Variants in TDRD9 observed in about 807,000 individuals in gnomAD.
TDRD9 encodes ATP-dependent RNA helicase TDRD9.
Under a neutral mutation model 172.6 loss-of-function variants are expected in TDRD9, and 124 were observed. That is an observed-to-expected ratio of 0.72 (90% CI 0.62 to 0.83). The LOEUF is 0.83. Among genes scored for constraint, TDRD9 ranks in the 40% least tolerant of loss-of-function variants. The pLI is 0.00. For synonymous variants in TDRD9, 619 were observed against 617.1 expected (o/e 1.00, Z -0.05); for missense variants, 1,479 against 1,714.1 (o/e 0.86, Z 2.42).
intron 22 of TDRD9, among the ~76,000 whole-genome samples, chr14:104,017,589 A>G (rs1298812708): frequency 6.6e-6 from 1 of 152,222 alleles, no homozygotes; most frequent in African/African-American, 2.4e-5. Flanking sequence ...TCCAGAAGAA[A>G]GTATGGAGTG....
At chr14:103,941,932 T>C (rs1317029289) in intron 1 of TDRD9, among the ~76,000 whole-genome samples, 3 of 152,212 alleles carry the variant, frequency 2.0e-5, no homozygotes, top group Non-Finnish European at 4.4e-5. Flanking sequence ...AAATTAGATA[T>C]ACAAAGTCAG....
chr14:104,049,644 T>C lies in TDRD9; in HGVS notation c.4011T>C (p.Val1337=), dbSNP rs1218811949. 4.4e-6 allele frequency: 7 copies of C among 1,589,392 alleles called. No individual in the cohort carries two copies. Among genetic ancestry groups the C allele is most frequent in the Non-Finnish European group, 6.0e-6 (7 of 1,167,924 alleles). The change falls in exon 35 of 36, where the codon GTT becomes GTC. Residue 1337 remains valine (V), a synonymous_variant. Transcript: ENST00000409874. Reference sequence around the variant, plus strand: ...AGTCAAAACCAAGGGAGAAGATTGTTCCCAAGTGGCATGAAAAGCCCTACG... The same window carrying C: ...AGTCAAAACCAAGGGAGAAGATTGTCCCCAAGTGGCATGAAAAGCCCTACG... ...FCQSKPREKI[V]PKWHEKPYEW...
intron 20 of TDRD9, among the ~76,000 whole-genome samples, chr14:104,013,397 A>G (rs147485455): frequency 2.5e-4 from 38 of 152,340 alleles, no homozygotes; most frequent in African/African-American, 7.5e-4. Flanking sequence ...CAAAAGCCGT[A>G]CATGTTCATG....
intron 23 of TDRD9, 79 bp from the exon 24 acceptor site, chr14:104,022,078 C>T: frequency 8.8e-7 from 1 of 1,137,818 alleles, no homozygotes; most frequent in Non-Finnish European, 1.3e-6. Context: ...GACAGAATTT[C>T]TGTCTTGAGA....
At chr14:103,952,341 C>T (rs1459072080) in intron 1 of TDRD9, among the ~76,000 whole-genome samples, 5 of 141,928 alleles carry the variant, frequency 3.5e-5, no homozygotes, top group Non-Finnish European at 7.6e-5. Context: ...CCCGGGTTCA[C>T]GCCAATCTTC....
At chr14:103,941,417 T>G (rs184676510) in intron 1 of TDRD9, 1 of 1,534,950 alleles carries the variant, frequency 6.5e-7, no homozygotes, top group East Asian at 2.4e-5. Flanking sequence ...TAGTTCCAGT[T>G]TGGCAAGGTT....
At chr14:103,961,424 G>A (rs570702055) in intron 2 of TDRD9, among the ~76,000 whole-genome samples, 20 of 152,096 alleles carry the variant, frequency 1.3e-4, no homozygotes, top group African/African-American at 4.1e-4. Context: ...TTAGCCGGGT[G>A]TGGTGGTGGG....
rs574757779 is a variant in TDRD9, at chr14:103,997,665, G to A, written c.1379-959G>A. Among the ~76,000 whole-genome samples, 16 of 152,358 alleles carry A rather than the reference G, an allele frequency of 1.1e-4. No homozygotes were observed. Among genetic ancestry groups the A allele is most frequent in the Non-Finnish European group, 2.1e-4 (14 of 68,030 alleles). On this transcript the variant is annotated intron_variant, in intron 12 of 35. Transcript: ENST00000409874. The surrounding 1 kb of genome is among the most constrained non-coding windows in gnomAD (Gnocchi z 5.1). ...GAGTGCACAGAGGGAGGGTGGCCCC[G>A]GTGTGTAAAGGTGGGCAGTAAGAGC...
At chr14:104,002,683 TA>T (rs2034301235) in intron 13 of TDRD9, among the ~76,000 whole-genome samples, 1 of 152,120 alleles carries the variant, frequency 6.6e-6, no homozygotes, top group African/African-American at 2.4e-5. Context: ...AGGCTGAACT[TA>T]AAATATGTAA....
At chr14:104,006,367 A>G (rs779427602) in intron 15 of TDRD9, 22 bp from the exon 16 acceptor site, 31 of 1,605,994 alleles carry the variant, frequency 1.9e-5, no homozygotes, top group African/African-American at 2.7e-5. Flanking sequence ...CTTGATAATA[A>G]CACTAATTTT....
intron 23 of TDRD9, among the ~76,000 whole-genome samples, chr14:104,021,672 G>A (rs1645591846): frequency 6.6e-6 from 1 of 152,112 alleles, no homozygotes; most frequent in African/African-American, 2.4e-5. Flanking sequence ...GCGACAGAGC[G>A]AGACTCCATC....
At chr14:104,012,764 G>A (rs1008309842) in intron 20 of TDRD9, among the ~76,000 whole-genome samples, 1 of 151,946 alleles carries the variant, frequency 6.6e-6, no homozygotes, top group African/African-American at 2.4e-5. Context: ...TAGAGACAGG[G>A]TCTTTGTCTC....
At position 103,980,387 on chromosome 14, in the gene TDRD9, C is replaced by A. The variant is rs901506909; in HGVS notation, c.1011+4834C>A. Among the ~76,000 whole-genome samples the A allele has an allele frequency of 6.6e-6, 1 of 152,110 alleles. No homozygotes were observed. Among genetic ancestry groups the A allele is most frequent in the Non-Finnish European group, 1.5e-5 (1 of 68,022 alleles). On this transcript the variant is annotated intron_variant, in intron 7 of 35. Transcript: ENST00000409874. This position sits in a 1 kb window ranked among gnomAD's most constrained non-coding sequence, Gnocchi z 4.5. ...CGTGTCGACTGGACAGGGGGCCCTTCCCTGCCTGGCAGCCAAGGCAGAGAG... is the reference window on the plus strand; with the variant it reads ...CGTGTCGACTGGACAGGGGGCCCTTACCTGCCTGGCAGCCAAGGCAGAGAG...
chr14:103,983,709 G>C (rs547216903), intron 7 of TDRD9, among the ~76,000 whole-genome samples: 1 of 152,288 alleles, frequency 6.6e-6, no homozygotes, highest in Admixed American at 6.5e-5. Context: ...TAGTAAATTA[G>C]TACCAGTAGA....
intron 32 of TDRD9, among the ~76,000 whole-genome samples, chr14:104,036,441 G>A (rs558817516): frequency 7.9e-5 from 12 of 152,306 alleles, no homozygotes; most frequent in African/African-American, 2.9e-4. Context: ...GGAACCACAC[G>A]TGGCAGTGGG....
chr14:103,980,044 T>TA lies in TDRD9; in HGVS notation c.1011+4499dup, dbSNP rs893280552. On this transcript the variant is annotated intron_variant, in intron 7 of 35. Coordinates refer to ENST00000409874, the MANE Select transcript of TDRD9 (RefSeq NM_153046.3). This position sits in a 1 kb window ranked among gnomAD's most constrained non-coding sequence, Gnocchi z 4.5. The stretch of plus-strand genomic sequence containing the variant: ...ATGCATACCACCATGCTTGGCTAAT[T>TA]AAAAAAAATTTTTTTGTGGAGATAG... Among the ~76,000 whole-genome samples the TA allele has an allele frequency of 6.6e-6, 1 of 151,998 alleles. No individual in the cohort carries two copies. Among genetic ancestry groups the TA allele is most frequent in the Non-Finnish European group, 1.5e-5 (1 of 67,994 alleles).
At chr14:104,010,014 C>T (rs574409517) in intron 20 of TDRD9, among the ~76,000 whole-genome samples, 15 of 150,718 alleles carry the variant, frequency 1.0e-4, no homozygotes, top group South Asian at 6.3e-4. Context: ...GGCACAGTCT[C>T]GGCTCACTGT....
At chr14:104,051,006 A>G (rs2035921923) in intron 35 of TDRD9, among the ~76,000 whole-genome samples, 1 of 152,208 alleles carries the variant, frequency 6.6e-6, no homozygotes, top group Non-Finnish European at 1.5e-5. Flanking sequence ...GTACATGTGC[A>G]GCTTTTGTTA....
Position 103,965,523 on chromosome 14 carries a change from C to G in TDRD9, c.611C>G (p.Ala204Gly). The G allele has an allele frequency of 6.4e-7, 1 of 1,551,194 alleles. No individual in the cohort carries two copies. Among genetic ancestry groups the G allele is most frequent in the African/African-American group, 1.4e-5 (1 of 73,032 alleles). Residue 204 changes from alanine to glycine, a missense_variant, in exon 4 of 36, where the codon GCC (alanine) becomes GGC (glycine). Around this residue, in one of 3 missense-constraint regions of TDRD9, gnomAD observed 1,413 missense variants for 1,649.1 expected, o/e 0.86. Coordinates refer to ENST00000409874, the MANE Select transcript of TDRD9 (RefSeq NM_153046.3). ...SIARWISKER[A>G]WTLGGVVGYQ... ...GCCAGGTGGATCAGTAAAGAGCGTG[C>G]CTGGACCCTGGGAGGTGTGGTGGGC...
Sources: allele counts gnomAD v4.1 joint callset (sites outside exome capture counted in the v4.1 genomes callset), GRCh38; gene constraint gnomAD v4.1.1; regional missense constraint gnomAD v4.1.1; non-coding constraint Gnocchi (gnomAD v3.1); transcripts MANE v1.5; gene names NCBI Gene and HGNC (gene_info 2026-07-23, HGNC 2026-07-21).